The following GRM5 variants were observed in gnomAD, a reference collection of about 807,000 sequenced individuals.
GRM5 encodes the protein metabotropic glutamate receptor 5.
A neutral mutation model predicts 83.1 loss-of-function variants in GRM5; 19 were observed. The observed-to-expected ratio is 0.23, with a 90% CI of 0.16 to 0.34. The LOEUF (loss-of-function observed/expected upper bound fraction) is 0.34, where lower values mean the gene tolerates loss of function less well. GRM5 is among the 10% of genes least tolerant of loss of function. GRM5 has a pLI of 1.00. For missense variants in GRM5, 1,160 were observed against 1,588.3 expected, an observed-to-expected ratio of 0.73 and a Z score of 4.58; for synonymous variants, 675 against 633.6, an observed-to-expected ratio of 1.07 and a Z score of -0.98.
intron 2 of GRM5, among the ~76,000 whole-genome samples, chr11:88,921,617 G>A (rs1439932211): frequency 7.9e-6 from 1 of 126,970 alleles, no homozygotes; most frequent in South Asian, 3.1e-4. Flanking sequence ...GAGACAGAGT[G>A]AGACTCCATT....
chr11:88,824,224 G>C (rs1338252684), intron 3 of GRM5, among the ~76,000 whole-genome samples: 1 of 152,218 alleles, frequency 6.6e-6, no homozygotes, highest in Non-Finnish European at 1.5e-5. Context: ...TCTGCTGTCA[G>C]TATTGGAAGT....
intron 2 of GRM5, among the ~76,000 whole-genome samples, chr11:88,965,145 G>A (rs763528951): frequency 2.0e-5 from 3 of 152,110 alleles, no homozygotes; most frequent in African/African-American, 4.8e-5. Context: ...TACAAGAAAC[G>A]TACTTGTTTT....
At chr11:88,756,971 T>G (rs187439873) in intron 3 of GRM5, among the ~76,000 whole-genome samples, 1 of 152,086 alleles carries the variant, frequency 6.6e-6, no homozygotes, top group East Asian at 1.9e-4. Context: ...CTCAAAAAAC[T>G]CACACCAAGA....
chr11:88,954,092 C>T (rs1938540129), intron 2 of GRM5, among the ~76,000 whole-genome samples: 2 of 152,162 alleles, frequency 1.3e-5, no homozygotes. Context: ...AAATTAGGTT[C>T]ATATTCTGGT....
At chr11:88,983,642 T>C (rs1939597945) in intron 2 of GRM5, among the ~76,000 whole-genome samples, 1 of 152,174 alleles carries the variant, frequency 6.6e-6, no homozygotes, top group Admixed American at 6.5e-5. Context: ...AATAAATCAC[T>C]ATGTTACTAA....
intron 2 of GRM5, among the ~76,000 whole-genome samples, chr11:88,998,294 A>G (rs567554663): frequency 6.6e-6 from 1 of 152,310 alleles, no homozygotes; most frequent in Admixed American, 6.5e-5. Context: ...GATATTTGAA[A>G]ATCAATCAAT....
chr11:88,987,693 T>TCCCTGAC (rs1292309118), intron 2 of GRM5, among the ~76,000 whole-genome samples: 2 of 152,050 alleles, frequency 1.3e-5, no homozygotes, highest in Admixed American at 6.5e-5. Context: ...CTCAAGTGGA[T>TCCCTGAC]CCCTGACCCC....
chr11:88,761,953 T>G lies in GRM5; in HGVS notation c.911+87953A>C, dbSNP rs1410819255. On this transcript the variant is annotated intron_variant, in intron 3 of 9. Transcript: ENST00000305447. ...AAAAAAAGTAATGGAGAAAGGACCCTCTATTCAATGAATGGTACTGGGATA... is the reference window on the plus strand; with the variant it reads ...AAAAAAAGTAATGGAGAAAGGACCCGCTATTCAATGAATGGTACTGGGATA... Among the ~76,000 whole-genome samples the G allele has an allele frequency of 2.6e-5, 4 of 152,070 alleles. No homozygotes were observed. The South Asian group carries it at 8.3e-4, about 32-fold the overall frequency.
chr11:88,558,148 C>G (rs1323195558), intron 8 of GRM5, among the ~76,000 whole-genome samples: 1 of 152,220 alleles, frequency 6.6e-6, no homozygotes, highest in Admixed American at 6.5e-5. Context: ...TCTAAAAACT[C>G]TGGTTGAATT....
At chr11:88,902,614 C>T (rs985957336) in intron 2 of GRM5, among the ~76,000 whole-genome samples, 3 of 152,058 alleles carry the variant, frequency 2.0e-5, no homozygotes, top group Admixed American at 6.6e-5. Context: ...AGCTTACATT[C>T]TCTCAAAGGG....
chr11:88,964,856 A>G (rs1235431181), intron 2 of GRM5, among the ~76,000 whole-genome samples: 1 of 152,178 alleles, frequency 6.6e-6, no homozygotes, highest in African/African-American at 2.4e-5. Context: ...ATTATTTAAG[A>G]CTTCTCAGAA....
At chr11:88,749,098 T>C (rs1325939558) in intron 3 of GRM5, among the ~76,000 whole-genome samples, 1 of 152,138 alleles carries the variant, frequency 6.6e-6, no homozygotes, top group Non-Finnish European at 1.5e-5. Context: ...GAGGCTGAGA[T>C]GGCTGAATTG....
At chr11:88,831,194 A>G (rs1943986581) in intron 3 of GRM5, among the ~76,000 whole-genome samples, 1 of 152,230 alleles carries the variant, frequency 6.6e-6, no homozygotes, top group Admixed American at 6.5e-5. Flanking sequence ...TTCCTGGAGT[A>G]AAACTGACAT....
intron 3 of GRM5, among the ~76,000 whole-genome samples, chr11:88,719,843 T>C (rs1296228681): frequency 6.6e-6 from 1 of 152,138 alleles, no homozygotes; most frequent in Non-Finnish European, 1.5e-5. Flanking sequence ...CATATAATTG[T>C]TGGCTGCATG....
intron 2 of GRM5, among the ~76,000 whole-genome samples, chr11:88,952,738 G>T (rs544745922): frequency 1.0e-3 from 152 of 151,356 alleles, no homozygotes; most frequent in African/African-American, 3.7e-3. Context: ...TCAAACAATG[G>T]GTATCCATTT....
intron 2 of GRM5, among the ~76,000 whole-genome samples, chr11:88,934,889 C>T (rs758664857): frequency 5.9e-5 from 9 of 151,706 alleles, no homozygotes; most frequent in Non-Finnish European, 1.3e-4. Context: ...AGAAACAGGC[C>T]GTCAATAGAC....
At chr11:88,668,789 G>A (rs1245971679) in intron 3 of GRM5, among the ~76,000 whole-genome samples, 2 of 152,064 alleles carry the variant, frequency 1.3e-5, no homozygotes, top group African/African-American at 4.8e-5. Context: ...TGTATTTCTT[G>A]AATAGCAGCT....
chr11:89,033,300 AG>A (rs1326526874), intron 2 of GRM5, among the ~76,000 whole-genome samples: 19 of 149,260 alleles, frequency 1.3e-4, no homozygotes, highest in African/African-American at 4.6e-4. Flanking sequence ...AGCAATTCCA[AG>A]ATTAATACTC....
At chr11:88,874,718 T>C (rs1944822342) in intron 2 of GRM5, among the ~76,000 whole-genome samples, 2 of 151,906 alleles carry the variant, frequency 1.3e-5, no homozygotes, top group Non-Finnish European at 2.9e-5. Context: ...ATTAAGAATA[T>C]ATAGGTATAC....
Sources: gnomAD v4.1 joint callset for allele counts (sites outside exome capture counted in the v4.1 genomes callset) on GRCh38, gnomAD v4.1.1 for gene constraint, MANE v1.5 for transcripts, NCBI Gene and HGNC (gene_info 2026-07-23, HGNC 2026-07-21) for gene names.